Variants in TRAPPC9 observed in about 807,000 individuals in gnomAD.
TRAPPC9 encodes trafficking protein particle complex subunit 9.
TRAPPC9 carries 83 observed loss-of-function variants against 124.0 expected under a neutral mutation model. The observed-to-expected ratio is 0.67, with a 90% CI of 0.56 to 0.80. TRAPPC9 has a LOEUF of 0.80. TRAPPC9 is among the 30% of genes least tolerant of loss of function. The pLI is 0.00. For missense variants in TRAPPC9, 1,302 were observed against 1,508.3 expected, an observed-to-expected ratio of 0.86 and a Z score of 2.27; for synonymous variants, 638 against 617.5, an observed-to-expected ratio of 1.03 and a Z score of -0.49.
chr8:139,919,419 G>A (rs755300125), intron 19 of TRAPPC9, among the ~76,000 whole-genome samples: 24 of 152,146 alleles, frequency 1.6e-4, no homozygotes, highest in Admixed American at 1.5e-3. Flanking sequence ...AGTGGACGAC[G>A]GTGATGGTTG....
intron 8 of TRAPPC9, among the ~76,000 whole-genome samples, chr8:140,365,655 G>A (rs1056684055): frequency 2.0e-5 from 3 of 152,360 alleles, no homozygotes; most frequent in African/African-American, 7.2e-5. Context: ...CGGCGACCCT[G>A]CCCAGCACAG....
intron 17 of TRAPPC9, among the ~76,000 whole-genome samples, chr8:140,172,124 G>A (rs2061978703): frequency 6.6e-6 from 1 of 152,196 alleles, no homozygotes; most frequent in Non-Finnish European, 1.5e-5. Flanking sequence ...AGGAAGAACT[G>A]TCTCTTTATT....
At chr8:140,190,268 C>A (rs2062460135) in intron 17 of TRAPPC9, among the ~76,000 whole-genome samples, 1 of 152,084 alleles carries the variant, frequency 6.6e-6, no homozygotes, top group African/African-American at 2.4e-5. Flanking sequence ...CCAGCCTGAC[C>A]AACATGGTGA....
intron 17 of TRAPPC9, among the ~76,000 whole-genome samples, chr8:140,193,690 A>G (rs1302068338): frequency 6.6e-6 from 1 of 151,368 alleles, no homozygotes; most frequent in Non-Finnish European, 1.5e-5. Flanking sequence ...TCCACTGGAA[A>G]GGCTGAAACC....
chr8:140,242,283 G>T (rs917372274), intron 16 of TRAPPC9, among the ~76,000 whole-genome samples: 3 of 152,190 alleles, frequency 2.0e-5, no homozygotes, highest in Admixed American at 2.0e-4. Context: ...TAGTGACAGC[G>T]AAAGAGTTAA....
At chr8:140,400,457 G>A (rs2069227361) in intron 6 of TRAPPC9, among the ~76,000 whole-genome samples, 1 of 152,116 alleles carries the variant, frequency 6.6e-6, no homozygotes, top group African/African-American at 2.4e-5. Flanking sequence ...TCTCACACCT[G>A]CGGCTGTAAT....
chr8:140,155,632 G>A (rs1398921714), intron 17 of TRAPPC9, among the ~76,000 whole-genome samples: 3 of 152,142 alleles, frequency 2.0e-5, no homozygotes, highest in South Asian at 2.1e-4. Context: ...GGACAATCTC[G>A]TTTGTTTTAA....
intron 17 of TRAPPC9, among the ~76,000 whole-genome samples, chr8:140,103,542 T>G (rs1448269219): frequency 6.6e-6 from 1 of 152,190 alleles, no homozygotes; most frequent in Non-Finnish European, 1.5e-5. Flanking sequence ...CTATATCCTG[T>G]AGCCCCCTCC....
At chr8:140,133,937 A>C (rs2061248933) in intron 17 of TRAPPC9, among the ~76,000 whole-genome samples, 1 of 152,078 alleles carries the variant, frequency 6.6e-6, no homozygotes, top group Non-Finnish European at 1.5e-5. Context: ...ACGTTCATGG[A>C]TACTAGATTT....
intron 6 of TRAPPC9, among the ~76,000 whole-genome samples, chr8:140,399,939 G>A (rs1181596089): frequency 6.6e-6 from 1 of 152,186 alleles, no homozygotes; most frequent in South Asian, 2.1e-4. Flanking sequence ...ATTGAATTGT[G>A]GAGGTGGTTT....
chr8:139,832,598 G>A (rs1318580294), intron 21 of TRAPPC9, among the ~76,000 whole-genome samples: 2 of 152,208 alleles, frequency 1.3e-5, no homozygotes, highest in African/African-American at 4.8e-5. Flanking sequence ...TTTGCCAAGG[G>A]CAGGTGTCAT....
intron 10 of TRAPPC9, among the ~76,000 whole-genome samples, chr8:140,303,391 G>A (rs1239813745): frequency 6.6e-6 from 1 of 152,146 alleles, no homozygotes; most frequent in Non-Finnish European, 1.5e-5. Flanking sequence ...AGGACTTACA[G>A]TGTGTTAATA....
rs571728227 is a variant in TRAPPC9, at chr8:140,183,463, G to A, written c.2556+37996C>T. Among the ~76,000 whole-genome samples, 11 of 152,320 alleles carry A rather than the reference G, an allele frequency of 7.2e-5. No homozygotes were observed. In the East Asian group the frequency reaches 7.7e-4, roughly 11 times the overall value. ...AAGTGCAGAATTCCACCTCGATTACGTATTCCACACAGCAGCTCTGAGAGT... is the reference window on the plus strand; with the variant it reads ...AAGTGCAGAATTCCACCTCGATTACATATTCCACACAGCAGCTCTGAGAGT... On this transcript the variant is annotated intron_variant, in intron 17 of 22. Coordinates refer to ENST00000438773, the MANE Select transcript of TRAPPC9 (RefSeq NM_001160372.4).
chr8:140,048,777 G>C (rs1841787563), intron 17 of TRAPPC9, among the ~76,000 whole-genome samples: 1 of 152,146 alleles, frequency 6.6e-6, no homozygotes, highest in African/African-American at 2.4e-5. Context: ...CGTGAGCCCA[G>C]GACCCCCTCT....
At chr8:139,863,344 C>G (rs1828298264) in intron 21 of TRAPPC9, among the ~76,000 whole-genome samples, 1 of 152,228 alleles carries the variant, frequency 6.6e-6, no homozygotes, top group South Asian at 2.1e-4. Flanking sequence ...TGCCCGCTGC[C>G]CAGCTGCAGC....
intron 19 of TRAPPC9, among the ~76,000 whole-genome samples, chr8:139,986,100 G>A (rs1364552373): frequency 7.9e-5 from 12 of 152,186 alleles, no homozygotes; most frequent in African/African-American, 1.9e-4. Flanking sequence ...AAAATTAGCC[G>A]GGCGTGGTGG....
Position 140,204,937 on chromosome 8 carries a change from T to C in TRAPPC9, c.2556+16522A>G, listed in dbSNP as rs186811447. 1.8e-4 allele frequency among the ~76,000 whole-genome samples: 28 copies of C among 152,366 alleles called. No homozygotes were observed. The East Asian group carries it at 5.0e-3, about 27-fold the overall frequency. On this transcript the variant is annotated intron_variant, in intron 17 of 22. Coordinates refer to ENST00000438773, the MANE Select transcript of TRAPPC9 (RefSeq NM_001160372.4). ...TATCAGACAATTCCAGTGAACGGAA[T>C]TTCATCAAAATGCTGAGGATGTAGG... is the stretch of plus-strand genomic sequence containing the variant.
At chr8:140,297,394 CACAT>C (rs769919767) in intron 11 of TRAPPC9, among the ~76,000 whole-genome samples, 99 of 151,262 alleles carry the variant, frequency 6.5e-4, no homozygotes, top group Non-Finnish European at 1.2e-3. Context: ...CATGCATACA[CACAT>C]ACAGATGCAT....
At chr8:139,767,242 A>G (rs1360859940) in intron 21 of TRAPPC9, among the ~76,000 whole-genome samples, 2 of 152,230 alleles carry the variant, frequency 1.3e-5, no homozygotes, top group African/African-American at 4.8e-5. Context: ...ACAGCTAGAC[A>G]GGGTACAGCA....
Sources: allele counts gnomAD v4.1 joint callset (sites outside exome capture counted in the v4.1 genomes callset), GRCh38; gene constraint gnomAD v4.1.1; transcripts MANE v1.5; gene names NCBI Gene and HGNC (gene_info 2026-07-23, HGNC 2026-07-21).